Variants in CLASP1 observed in about 807,000 individuals in gnomAD.
The protein encoded by CLASP1 is CLIP-associating protein 1.
In CLASP1, 38 loss-of-function variants were observed where a neutral mutation model predicts 192.3. That is an observed-to-expected ratio of 0.20 (90% CI 0.15 to 0.26). The LOEUF (loss-of-function observed/expected upper bound fraction) is 0.26, where lower values mean the gene tolerates loss of function less well. Ranked by LOEUF, CLASP1 falls within the 10% of genes least tolerant of loss-of-function variation. The pLI is 1.00. For missense variants in CLASP1, 1,433 were observed against 1,932.5 expected (o/e 0.74, Z 4.85); for synonymous variants, 691 against 712.8 (o/e 0.97, Z 0.49).
exon 5 of CLASP1, chr2:121,527,844 C>T (rs1166847994): frequency 7.4e-6 from 12 of 1,613,806 alleles, no homozygotes; most frequent in Middle Eastern, 1.6e-4. Context: ...TTCTCGAGTA[C>T]GGAAATTCTT....
At chr2:121,625,799 A>G (rs2068231350) in intron 1 of CLASP1, among the ~76,000 whole-genome samples, 1 of 151,794 alleles carries the variant, frequency 6.6e-6, no homozygotes. Context: ...GAGTAAGAAG[A>G]GAAGAGAACA....
chr2:121,470,778 A>G (rs2090572973), intron 8 of CLASP1: 1 of 337,848 alleles, frequency 3.0e-6, no homozygotes, highest in South Asian at 2.5e-5. Flanking sequence ...ATATAAATGT[A>G]CATTTCTCCT....
exon 40 of CLASP1, chr2:121,339,439 G>A (rs2062609683): frequency 1.3e-5 from 2 of 152,190 alleles, no homozygotes; most frequent in African/African-American, 4.8e-5. Context: ...GGAAAAATCA[G>A]TTCAATTTAT....
At chr2:121,482,905 CAG>C (rs1419797319) in intron 8 of CLASP1, among the ~76,000 whole-genome samples, 2 of 152,142 alleles carry the variant, frequency 1.3e-5, no homozygotes, top group African/African-American at 4.8e-5. Context: ...CGGACAGACT[CAG>C]GGTAAGATGA....
At chr2:121,461,644 A>G (rs1248820119) in intron 10 of CLASP1, among the ~76,000 whole-genome samples, 1 of 152,146 alleles carries the variant, frequency 6.6e-6, no homozygotes, top group Admixed American at 6.5e-5. Context: ...TATGCTGGGA[A>G]GGTCAGGTCA....
At chr2:121,398,935 G>C (rs190481389) in intron 28 of CLASP1, among the ~76,000 whole-genome samples, 51 of 152,316 alleles carry the variant, frequency 3.3e-4, no homozygotes, top group Middle Eastern at 6.8e-3. Context: ...ACAGAAGCCT[G>C]GGGTCCCAGA....
At chr2:121,381,838 T>C (rs977781670) in intron 33 of CLASP1, among the ~76,000 whole-genome samples, 12 of 152,210 alleles carry the variant, frequency 7.9e-5, no homozygotes, top group Non-Finnish European at 1.5e-4. Context: ...GAATGTCTTC[T>C]GCACTTTAGA....
intron 2 of CLASP1, among the ~76,000 whole-genome samples, chr2:121,605,130 CCCCACT>C (rs1330814066): frequency 1.3e-5 from 2 of 149,486 alleles, no homozygotes; most frequent in African/African-American, 5.0e-5. Context: ...CCACCCCCAC[CCCCACT>C]CCCTACCAAG....
At chr2:121,432,062 T>C (rs1448035367) in intron 19 of CLASP1, among the ~76,000 whole-genome samples, 4 of 151,968 alleles carry the variant, frequency 2.6e-5, no homozygotes, top group African/African-American at 9.7e-5. Context: ...CACTAGTCAA[T>C]GTGTCCATAC....
intron 1 of CLASP1, among the ~76,000 whole-genome samples, chr2:121,633,939 G>A (rs61582649): frequency 0.038 from 5,813 of 151,744 alleles, 151 homozygotes; most frequent in East Asian, 0.13. Context: ...CCTGGGAGGC[G>A]GAGCTTGTAG....
At chr2:121,591,791 T>A (rs1315209548) in intron 2 of CLASP1, among the ~76,000 whole-genome samples, 3 of 152,216 alleles carry the variant, frequency 2.0e-5, no homozygotes, top group Non-Finnish European at 4.4e-5. Flanking sequence ...ACCAAGAGAT[T>A]CCTACCAGTC....
At chr2:121,587,474 T>C (rs1438740480) in intron 2 of CLASP1, among the ~76,000 whole-genome samples, 1 of 152,082 alleles carries the variant, frequency 6.6e-6, no homozygotes, top group African/African-American at 2.4e-5. Flanking sequence ...ACCCCTCCAT[T>C]TGGGACCTCT....
chr2:121,367,493 T>C, intron 35 of CLASP1, 95 bp downstream of exon 36: 14 of 1,522,154 alleles, frequency 9.2e-6, no homozygotes, highest in Non-Finnish European at 1.3e-5. Flanking sequence ...AGCGTCTCCA[T>C]TTACATCTGA....
intron 34 of CLASP1, among the ~76,000 whole-genome samples, chr2:121,370,981 G>A (rs2068558661): frequency 6.6e-6 from 1 of 152,066 alleles, no homozygotes; most frequent in Non-Finnish European, 1.5e-5. Context: ...ACTCACACAG[G>A]AACTGACGGA....
chr2:121,338,792 T>C (rs565410528), exon 40 of CLASP1: 1 of 152,290 alleles, frequency 6.6e-6, no homozygotes, highest in East Asian at 1.9e-4. Context: ...CACTGGGGAC[T>C]GGGGTACCTT....
chr2:121,635,258 G>A (rs1427279271), intron 1 of CLASP1, among the ~76,000 whole-genome samples: 1 of 151,744 alleles, frequency 6.6e-6, no homozygotes, highest in Non-Finnish European at 1.5e-5. Flanking sequence ...AAATGACTCT[G>A]TTGATTGACA....
chr2:121,384,031 C>CACACAT (rs1195282993), intron 32 of CLASP1, among the ~76,000 whole-genome samples: 1 of 132,808 alleles, frequency 7.5e-6, no homozygotes, highest in African/African-American at 2.7e-5. Flanking sequence ...CACACACACA[C>CACACAT]ATATATATGT....
intron 19 of CLASP1, among the ~76,000 whole-genome samples, chr2:121,437,148 T>G (rs188307443): frequency 4.5e-4 from 68 of 152,188 alleles, no homozygotes; most frequent in Middle Eastern, 3.4e-3. Flanking sequence ...AAAAAATTTT[T>G]GGTAGAGATG....
chr2:121,377,459 T>A (rs201270087), intron 34 of CLASP1, 40 bp downstream of exon 35: 11 of 1,489,018 alleles, frequency 7.4e-6, no homozygotes, highest in Non-Finnish European at 9.2e-6. Flanking sequence ...ATCTGTCATT[T>A]AACTCATACA....
Sources: gnomAD v4.1 joint callset for allele counts (sites outside exome capture counted in the v4.1 genomes callset) on GRCh38, gnomAD v4.1.1 for gene constraint, MANE v1.5 for transcripts, NCBI Gene and HGNC (gene_info 2026-07-23, HGNC 2026-07-21) for gene names.